The following MKI67 variants were observed in gnomAD, a reference collection of about 807,000 sequenced individuals.
MKI67 encodes the protein proliferation marker protein Ki-67.
In MKI67, 152 loss-of-function variants were observed where a neutral mutation model predicts 233.5. That is an observed-to-expected ratio of 0.65 (90% CI 0.57 to 0.74). The LOEUF is 0.74. Among genes scored for constraint, MKI67 ranks in the 30% least tolerant of loss-of-function variants. The probability of loss-of-function intolerance (pLI) is 0.00; values close to 1 mark genes in which losing one functional copy is unlikely to be tolerated. For synonymous variants in MKI67, 1,465 were observed against 1,418.5 expected, an observed-to-expected ratio of 1.03 and a Z score of -0.74; for missense variants, 3,940 against 3,885.2, an observed-to-expected ratio of 1.01 and a Z score of -0.37.
Position 128,099,194 on chromosome 10 carries a change from A to C in MKI67, c.9767T>G (p.Ile3256Ser), listed in dbSNP as rs1421364863. Residue 3256 changes from isoleucine (I) to serine (S), a missense_variant, in exon 15 of 15, where the codon ATT (isoleucine) becomes AGT (serine). Ile to Ser is a moderately radical substitution (Grantham distance 142, BLOSUM62 -2). Transcript: ENST00000368654. ...TTTCCCAGTTCGATTTTTCTGTCAA[A>C]TATCTTCACTGTCCCTATGACTTCT... Reference protein sequence around the residue: ...RTRSHRDSEDI With the variant: ...RTRSHRDSEDS 6.8e-6 allele frequency: 11 copies of C among 1,610,490 alleles called. No homozygotes were observed. In the East Asian group the frequency reaches 2.5e-4, roughly 36 times the overall value.
Position 128,114,989 on chromosome 10 carries a change from C to G in MKI67, c.1419G>C (p.Gln473His). 1 of 1,604,286 alleles carries G rather than the reference C, an allele frequency of 6.2e-7. No homozygotes were observed. Among genetic ancestry groups the G allele is most frequent in the Non-Finnish European group, 8.5e-7 (1 of 1,171,642 alleles). The change falls in exon 7 of 15, where the codon CAG becomes CAC. Residue 473 changes from glutamine to histidine, a missense_variant. Transcript: ENST00000368654. ...KPEKLGTTAG[Q>H]MCSGLPGLSS... ...TAAGACCAGGTAACCCAGAGCACAT[C>G]TGTCCAGCTGTAGTGCCCAATTTCT...
Position 128,101,492 on chromosome 10 carries a change from C to T in MKI67, c.9471G>A (p.Arg3157=). 1 of 1,614,232 alleles carries T rather than the reference C, an allele frequency of 6.2e-7. No individual in the cohort carries two copies. Among genetic ancestry groups the T allele is most frequent in the Non-Finnish European group, 8.5e-7 (1 of 1,180,032 alleles). Residue 3157 remains arginine (R), a synonymous_variant, in exon 14 of 15, where the codon AGG becomes AGA. Coordinates refer to ENST00000368654, the MANE Select transcript of MKI67 (RefSeq NM_002417.5). ...GGGAGCTCTCATTCTGTCTAGCAGA[C>T]CTCAAGCACCTTTTGTTCTCAGTGA... is the stretch of plus-strand genomic sequence containing the variant. ...DKVTENKRCL[R]SARQNESSQP...
chr10:128,104,022 T>G lies in MKI67; in HGVS notation c.7818A>C (p.Thr2606=). 1 of 1,614,064 alleles carries G rather than the reference T, an allele frequency of 6.2e-7. No homozygotes were observed. The highest frequency in any genetic ancestry group is 2.2e-5 in the East Asian group (1 of 44,876). Residue 2606 remains threonine, a synonymous_variant, in exon 13 of 15, where the codon ACA becomes ACC. Coordinates refer to ENST00000368654, the MANE Select transcript of MKI67 (RefSeq NM_002417.5). ...TATSTKRCPK[T]RPRKEVKEEL... ...CCTCTTTTACTTCTTTCCTGGGACG[T>G]GTCTTGGGGCATCTCTTTGTGCTCG...
rs1365639350 is a variant in MKI67 at position 128,112,005 on chromosome 10, T to C, written c.2010A>G (p.Lys670=). Residue 670 remains lysine (K), a synonymous_variant, in exon 10 of 15, where the codon AAA becomes AAG. Coordinates refer to ENST00000368654, the MANE Select transcript of MKI67 (RefSeq NM_002417.5). ...SWADVVKLGA[K]QTQTKVIKHG... Reference sequence around the variant, plus strand: ...GTTTTATGACTTTAGTTTGTGTTTGTTTTGCACCAAGTTTTACTACATCTG... The same window carrying C: ...GTTTTATGACTTTAGTTTGTGTTTGCTTTGCACCAAGTTTTACTACATCTG... The C allele has an allele frequency of 1.9e-6, 3 of 1,613,454 alleles. No individual in the cohort carries two copies. In the African/African-American group the frequency reaches 4.0e-5, roughly 22 times the overall value.
Position 128,101,854 on chromosome 10 carries a change from A to G in MKI67, c.9262-153T>C, listed in dbSNP as rs570135374. The stretch of plus-strand genomic sequence containing the variant: ...GTCTAAGAGACTTGTCATCTAGGAT[A>G]GTCAAGGTAATGCCTTGGTACTTTG... On this transcript the variant is annotated intron_variant, in intron 13 of 14. Transcript: ENST00000368654. 1.2e-4 allele frequency among the ~76,000 whole-genome samples: 18 copies of G among 152,364 alleles called. No homozygotes were observed. The South Asian group carries it at 3.7e-3, about 32-fold the overall frequency.
Position 128,105,418 on chromosome 10 carries a change from G to T in MKI67, c.6422C>A (p.Thr2141Lys), listed in dbSNP as rs749691790. Reference protein sequence around the residue: ...VEELSALKQLTQTTHTDKVPG... With the variant: ...VEELSALKQLKQTTHTDKVPG... The stretch of plus-strand genomic sequence containing the variant: ...TACTTTGTCTGTGTGTGTGGTCTGT[G>T]TGAGCTGCTTCAGGGCTGAGAGCTC... The change falls in exon 13 of 15, where the codon ACA becomes AAA. Residue 2141 changes from threonine (T) to lysine (K), a missense_variant. Coordinates refer to ENST00000368654, the MANE Select transcript of MKI67 (RefSeq NM_002417.5). 5.0e-6 allele frequency: 8 copies of T among 1,614,040 alleles called. No homozygotes were observed. The highest frequency in any genetic ancestry group is 6.8e-6 in the Non-Finnish European group (8 of 1,180,060).
At position 128,126,093 on chromosome 10, in the gene MKI67, G is replaced by C; in HGVS notation, c.-90+6C>G. The C allele has an allele frequency of 5.0e-6, 1 of 200,374 alleles. No individual in the cohort carries two copies. Among genetic ancestry groups the C allele is most frequent in the Non-Finnish European group, 1.0e-5 (1 of 98,174 alleles). The allele number at this position is 200,374 out of a possible 1,614,324, so 12.4% of individuals were successfully genotyped here. On this transcript the variant is annotated splice_donor_region_variant and intron_variant, in intron 1 of 14. Transcript: ENST00000368654. ...ACAGCTCCCAGGAGTCCCGGCCGCA[G>C]CTCACCTGGGACGATCCGGCCCGCA...
chr10:128,106,808 C>T lies in MKI67; in HGVS notation c.5032G>A (p.Glu1678Lys). Reference sequence around the variant, plus strand: ...GAGTCTAAGATCTGCTTTGGAGACTCCATAAATGCTTTCATGCTCTTACCA... The same window carrying T: ...GAGTCTAAGATCTGCTTTGGAGACTTCATAAATGCTTTCATGCTCTTACCA... ...GDGKSMKAFMESPKQILDSAA... is the reference protein window; with the variant it reads ...GDGKSMKAFMKSPKQILDSAA... The change falls in exon 13 of 15, where the codon GAG (glutamate) becomes AAG (lysine). Residue 1678 changes from glutamate (E) to lysine (K), a missense_variant. Glu to Lys is a moderately conservative substitution (Grantham distance 56). Coordinates refer to ENST00000368654, the MANE Select transcript of MKI67 (RefSeq NM_002417.5). 1 of 1,614,110 alleles carries T rather than the reference C, an allele frequency of 6.2e-7. No individual in the cohort carries two copies. The highest frequency in any genetic ancestry group is 8.5e-7 in the Non-Finnish European group (1 of 1,180,030).
Position 128,107,364 on chromosome 10 carries a change from T to C in MKI67, c.4476A>G (p.Ile1492Met). ...KPTTHEKTTK[I>M]ACRSQPDPVD... ...CTGGGTCTGGTTGTGATCTGCAGGC[T>C]ATTTTGGTAGTTTTCTCGTGAGTCG... is the stretch of plus-strand genomic sequence containing the variant. The change falls in exon 13 of 15, where the codon ATA becomes ATG. Residue 1492 changes from isoleucine (I) to methionine (M), a missense_variant. Transcript: ENST00000368654. The C allele has an allele frequency of 6.2e-7, 1 of 1,613,652 alleles. No homozygotes were observed. The highest frequency in any genetic ancestry group is 8.5e-7 in the Non-Finnish European group (1 of 1,179,930).
At chr10:128,101,153 A>T in intron 14 of MKI67, 105 bp downstream of exon 14, 1 of 1,009,612 alleles carries the variant, frequency 9.9e-7, no homozygotes, top group Non-Finnish European at 1.5e-6. Context: ...GAGCTGGCAG[A>T]GTGCTGTTGA....
At position 128,105,034 on chromosome 10, in the gene MKI67, G is replaced by A. The variant is rs551066116; in HGVS notation, c.6806C>T (p.Pro2269Leu). ...TPSVGKAMDT[P>L]KPAGGDEKDM... The stretch of plus-strand genomic sequence containing the variant: ...TTTCTCATCACCTCCTGCTGGTTTG[G>A]GTGTGTCCATAGCTTTCCCTACTGA... The change falls in exon 13 of 15, where the codon CCC becomes CTC. Residue 2269 changes from proline (P) to leucine (L), a missense_variant. Pro to Leu is a moderately conservative substitution (Grantham distance 98). Coordinates refer to ENST00000368654, the MANE Select transcript of MKI67 (RefSeq NM_002417.5). 2.3e-5 allele frequency: 37 copies of A among 1,612,794 alleles called. No homozygotes were observed. In the South Asian group the frequency reaches 4.0e-4, roughly 17 times the overall value.
Position 128,103,978 on chromosome 10 carries a change from C to T in MKI67, c.7862G>A (p.Arg2621Lys). ...EVKEELSAVE[R>K]LTQTSGQSTH... ...GCTTTGCCCTGATGTTTGCGTGAGC[C>T]TCTCAACTGCTGAGAGCTCCTCTTT... Residue 2621 changes from arginine (R) to lysine (K), a missense_variant, in exon 13 of 15, where the codon AGG (arginine) becomes AAG (lysine). Coordinates refer to ENST00000368654, the MANE Select transcript of MKI67 (RefSeq NM_002417.5). 5 of 1,614,088 alleles carry T rather than the reference C, an allele frequency of 3.1e-6. No individual in the cohort carries two copies. The highest frequency in any genetic ancestry group is 2.2e-5 in the East Asian group (1 of 44,876).
At chr10:128,116,113 G>A in intron 6 of MKI67, 106 bp from the exon 7 acceptor site, 2 of 1,318,114 alleles carry the variant, frequency 1.5e-6, no homozygotes, top group Non-Finnish European at 2.1e-6. Flanking sequence ...TTATAAGCTA[G>A]CTTTTACTTG....
Position 128,109,020 on chromosome 10 carries a change from T to C in MKI67, c.2820A>G (p.Glu940=). 6.2e-7 allele frequency: 1 copy of C among 1,614,190 alleles called. No homozygotes were observed. ...ETYKENIELK[E]NDEKMKAMKR... is the part of the protein sequence containing the mutation. ...TCATTGCTTTCATCTTTTCATCGTTTTCTTTTAATTCAATATTTTCCTTAT... is the reference window on the plus strand; with the variant it reads ...TCATTGCTTTCATCTTTTCATCGTTCTCTTTTAATTCAATATTTTCCTTAT... The change falls in exon 13 of 15, where the codon GAA becomes GAG. Residue 940 remains glutamate, a synonymous_variant. Transcript: ENST00000368654.
rs200606698 is a variant in MKI67, at chr10:128,106,281, A to G, written c.5559T>C (p.Thr1853=). The change falls in exon 13 of 15, where the codon ACT becomes ACC. Residue 1853 remains threonine (T), a synonymous_variant. Coordinates refer to ENST00000368654, the MANE Select transcript of MKI67 (RefSeq NM_002417.5). ...CTDNPTTDEK[T]TKKILCKSPQ... ...GAGATTTGCAGAGTATTTTTTTGGT[A>G]GTTTTCTCATCAGTCGTGGGGTTAT... The G allele has an allele frequency of 3.5e-5, 57 of 1,609,386 alleles. No individual in the cohort carries two copies. The highest frequency in any genetic ancestry group is 4.7e-5 in the Non-Finnish European group (55 of 1,178,870).
Position 128,098,419 on chromosome 10 carries a change from T to A in MKI67, c.*771A>T, listed in dbSNP as rs1258893532. On this transcript the variant is annotated 3_prime_UTR_variant, in exon 15 of 15. Coordinates refer to ENST00000368654, the MANE Select transcript of MKI67 (RefSeq NM_002417.5). ...CCGAAGCTTTCAATGACAGGAAAGC[T>A]GGAGATTAGGAGCCAGTTTGAGGTC... The A allele has an allele frequency of 6.6e-6, 1 of 152,132 alleles. No homozygotes were observed. Among genetic ancestry groups the A allele is most frequent in the Non-Finnish European group, 1.5e-5 (1 of 68,032 alleles). The allele number at this position is 152,132 out of a possible 1,614,324, so 9.4% of individuals were successfully genotyped here.
Position 128,125,565 on chromosome 10 carries a change from G to C in MKI67, c.92+11C>G, listed in dbSNP as rs756750321. 1 of 1,610,394 alleles carries C rather than the reference G, an allele frequency of 6.2e-7. No homozygotes were observed. Among genetic ancestry groups the C allele is most frequent in the Non-Finnish European group, 8.5e-7 (1 of 1,177,854 alleles). On this transcript the variant is annotated intron_variant, in intron 2 of 14. Transcript: ENST00000368654. This position sits in a 1 kb window ranked among gnomAD's most constrained non-coding sequence, Gnocchi z 5.3. ...TCAGCTAAAACGTCCGCGCGCGCCCGCGGGGCTCACCTTCCAAACAAGCAG... is the reference window on the plus strand; with the variant it reads ...TCAGCTAAAACGTCCGCGCGCGCCCCCGGGGCTCACCTTCCAAACAAGCAG...
At chr10:128,123,614 T>C (rs1852995960) in intron 2 of MKI67, among the ~76,000 whole-genome samples, 1 of 152,212 alleles carries the variant, frequency 6.6e-6, no homozygotes, top group South Asian at 2.1e-4. Context: ...AGTTTCTTCA[T>C]ATACAATAAA....
chr10:128,104,060 T>G lies in MKI67; in HGVS notation c.7780A>C (p.Thr2594Pro), dbSNP rs746784503. 1.9e-6 allele frequency: 3 copies of G among 1,613,986 alleles called. No individual in the cohort carries two copies. The highest frequency in any genetic ancestry group is 2.7e-5 in the African/African-American group (2 of 74,976). The change falls in exon 13 of 15, where the codon ACA becomes CCA. Residue 2594 changes from threonine to proline, a missense_variant. Transcript: ENST00000368654. Reference sequence around the variant, plus strand: ...CTCTTTGTGCTCGTGGCAGTGTCTGTTAGTTCTGGTGGGGGAGATTTGCAG... The same window carrying G: ...CTCTTTGTGCTCGTGGCAGTGTCTGGTAGTTCTGGTGGGGGAGATTTGCAG... Reference protein sequence around the residue: ...IPCKSPPPELTDTATSTKRCP... With the variant: ...IPCKSPPPELPDTATSTKRCP...
Sources: allele counts gnomAD v4.1 joint callset (sites outside exome capture counted in the v4.1 genomes callset), GRCh38; gene constraint gnomAD v4.1.1; non-coding constraint Gnocchi (gnomAD v3.1); transcripts MANE v1.5; gene names NCBI Gene and HGNC (gene_info 2026-07-23, HGNC 2026-07-21).